ABHD2: variants seen among roughly 807,000 people sequenced by gnomAD.
ABHD2 encodes the protein monoacylglycerol lipase ABHD2.
ABHD2 carries 20 observed loss-of-function variants against 48.1 expected under a neutral mutation model. That is an observed-to-expected ratio of 0.42 (90% CI 0.29 to 0.60). ABHD2 has a LOEUF of 0.60. Ranked by LOEUF, ABHD2 falls within the 20% of genes least tolerant of loss-of-function variation. The probability of loss-of-function intolerance (pLI) is 0.24; values close to 1 mark genes in which losing one functional copy is unlikely to be tolerated. For synonymous variants in ABHD2, 209 were observed against 214.2 expected (o/e 0.98, Z 0.21); for missense variants, 405 against 550.9 (o/e 0.74, Z 2.65).
chr15:89,140,656 A>G (rs576736207), intron 3 of ABHD2, among the ~76,000 whole-genome samples: 11 of 152,058 alleles, frequency 7.2e-5, no homozygotes, highest in African/African-American at 2.7e-4. Context: ...TCTCCATTCA[A>G]AGGAGCACAG....
rs2051275569 is a variant in ABHD2, at chr15:89,189,904, T to G, written c.927-1176T>G. Among the ~76,000 whole-genome samples the G allele has an allele frequency of 6.6e-6, 1 of 152,198 alleles. No individual in the cohort carries two copies. The highest frequency in any genetic ancestry group is 1.5e-5 in the Non-Finnish European group (1 of 68,034). ...TAATAGCGTTGGAAAATAGCAGTTT[T>G]ATGATCATAACCAGTCTTGGTGGCT... On this transcript the variant is annotated intron_variant, in intron 8 of 10. Coordinates refer to ENST00000352732, the MANE Select transcript of ABHD2 (RefSeq NM_152924.5). The surrounding 1 kb of genome is among the most constrained non-coding windows in gnomAD (Gnocchi z 4.9).
intron 1 of ABHD2, among the ~76,000 whole-genome samples, chr15:89,107,375 G>T (rs1264410054): frequency 6.6e-6 from 1 of 152,098 alleles, no homozygotes; most frequent in Non-Finnish European, 1.5e-5. Context: ...ATTGGAGGAG[G>T]CCCAAGCAGT....
At chr15:89,133,298 G>A (rs1244814259) in intron 3 of ABHD2, among the ~76,000 whole-genome samples, 1 of 152,192 alleles carries the variant, frequency 6.6e-6, no homozygotes, top group Non-Finnish European at 1.5e-5. Context: ...CAGTCTCCTA[G>A]ATAGAGGTTT....
chr15:89,051,611 G>A, the ABHD2 span, among the ~76,000 whole-genome samples: 12 of 152,118 alleles, frequency 7.9e-5, no homozygotes, highest in South Asian at 4.1e-4. Flanking sequence ...GTGGATAACC[G>A]AATCATGGGG....
rs1409367509 is a variant in ABHD2, at chr15:89,174,189, A to C, written c.539-1623A>C. ...GGCAGTTTCAAGTGTATTGATGCAT[A>C]ATATTGCCAGACATATTGTAAAGGG... On this transcript the variant is annotated intron_variant, in intron 5 of 10. Coordinates refer to ENST00000352732, the MANE Select transcript of ABHD2 (RefSeq NM_152924.5). The surrounding 1 kb of genome is among the most constrained non-coding windows in gnomAD (Gnocchi z 4.1). Among the ~76,000 whole-genome samples the C allele has an allele frequency of 6.6e-6, 1 of 152,200 alleles. No individual in the cohort carries two copies. The highest frequency in any genetic ancestry group is 2.4e-5 in the African/African-American group (1 of 41,438).
chr15:89,140,397 A>G (rs1283726859), intron 3 of ABHD2, among the ~76,000 whole-genome samples: 1 of 152,194 alleles, frequency 6.6e-6, no homozygotes, highest in Non-Finnish European at 1.5e-5. Flanking sequence ...TCTGTGCTTG[A>G]AATTCCTTCT....
chr15:89,085,243 G>A (rs1434031591), upstream of ABHD2, among the ~76,000 whole-genome samples: 1 of 151,888 alleles, frequency 6.6e-6, no homozygotes, highest in Admixed American at 6.6e-5. The surrounding 1 kb of genome is among the most constrained non-coding windows in gnomAD (Gnocchi z 4.2). Context: ...TTTATTACAA[G>A]GTACTGTCAC....
intron 3 of ABHD2, among the ~76,000 whole-genome samples, chr15:89,127,708 T>C (rs970774149): frequency 1.1e-5 from 1 of 88,452 alleles, no homozygotes; most frequent in African/African-American, 6.4e-5. Context: ...TATATATACA[T>C]ATATATATAT....
intron 1 of ABHD2, among the ~76,000 whole-genome samples, chr15:89,095,245 C>T (rs2049594834): frequency 6.6e-6 from 1 of 152,082 alleles, no homozygotes; most frequent in South Asian, 2.1e-4. Context: ...AGGAGAGGTT[C>T]CTCTTTTGCA....
the ABHD2 span, among the ~76,000 whole-genome samples, chr15:89,049,504 A>G: frequency 6.6e-6 from 1 of 152,174 alleles, no homozygotes; most frequent in Admixed American, 6.5e-5. Context: ...GCCGCCTTGC[A>G]GTTTGATCTC....
rs978581372 is a variant in ABHD2, at chr15:89,177,217, G to T, written c.722+1222G>T. Among the ~76,000 whole-genome samples the T allele has an allele frequency of 5.3e-5, 8 of 152,216 alleles. No homozygotes were observed. Among genetic ancestry groups the T allele is most frequent in the African/African-American group, 1.9e-4 (8 of 41,450 alleles). On this transcript the variant is annotated intron_variant, in intron 6 of 10. Transcript: ENST00000352732. The surrounding 1 kb of genome is among the most constrained non-coding windows in gnomAD (Gnocchi z 5.6). ...GATGATAAGCAGTACCTACCTCATA[G>T]CACCGCTGAGAGTCAAATGAGTTGA... is the stretch of plus-strand genomic sequence containing the variant.
At chr15:89,072,855 C>T in the ABHD2 span, among the ~76,000 whole-genome samples, 3 of 152,212 alleles carry the variant, frequency 2.0e-5, no homozygotes, top group South Asian at 2.1e-4. Context: ...ACAAAATGCT[C>T]AGCTAAATTT....
In ABHD2 at chr15:89,155,120, G is replaced by A. The variant is rs1011674685; in HGVS notation, c.371-247G>A. 6.6e-6 allele frequency among the ~76,000 whole-genome samples: 1 copy of A among 152,018 alleles called. No homozygotes were observed. Among genetic ancestry groups the A allele is most frequent in the Non-Finnish European group, 1.5e-5 (1 of 67,992 alleles). ...ATTTTTCCAGTAATTAACTTCTATT[G>A]TCTTTTCAAAAGTATCTGTTCATGA... On this transcript the variant is annotated intron_variant, in intron 4 of 10. Coordinates refer to ENST00000352732, the MANE Select transcript of ABHD2 (RefSeq NM_152924.5). This position sits in a 1 kb window ranked among gnomAD's most constrained non-coding sequence, Gnocchi z 4.9.
intron 3 of ABHD2, among the ~76,000 whole-genome samples, chr15:89,144,588 CA>C (rs1359535150): frequency 6.6e-6 from 1 of 152,124 alleles, no homozygotes; most frequent in Non-Finnish European, 1.5e-5. Context: ...AATCCCAAGA[CA>C]AAAGGTCACA....
chr15:89,201,769 C>T lies in ABHD2; in HGVS notation c.*6346C>T, dbSNP rs1027644932. The T allele has an allele frequency of 1.1e-5, 16 of 1,508,180 alleles. No individual in the cohort carries two copies. The Admixed American group carries it at 2.3e-4, about 22-fold the overall frequency. The allele number at this position is 1,508,180 out of a possible 1,614,324, so 93.4% of individuals were successfully genotyped here. ...GGCGGGTCGAGGACCAGGATCTGCT[C>T]GTGCTTCGCCGTGGCCCCGGAGGCA... On this transcript the variant is annotated 3_prime_UTR_variant, in exon 11 of 11. Coordinates refer to ENST00000352732, the MANE Select transcript of ABHD2 (RefSeq NM_152924.5).
intron 1 of ABHD2, among the ~76,000 whole-genome samples, chr15:89,112,891 C>T (rs535657723): frequency 6.6e-5 from 10 of 152,310 alleles, no homozygotes; most frequent in African/African-American, 2.2e-4. Context: ...TTCTATGTCT[C>T]AGTTACCTTG....
chr15:89,100,339 G>A lies in ABHD2; in HGVS notation c.-107+11776G>A, dbSNP rs2049681818. ...CTTACTCTGTCACCCAGGCTGGAGT[G>A]CAATAGTGCGATCATAGCTCACTGT... is the stretch of plus-strand genomic sequence containing the variant. On this transcript the variant is annotated intron_variant, in intron 1 of 10. Coordinates refer to ENST00000352732, the MANE Select transcript of ABHD2 (RefSeq NM_152924.5). The surrounding 1 kb of genome is among the most constrained non-coding windows in gnomAD (Gnocchi z 4.4). 6.6e-6 allele frequency among the ~76,000 whole-genome samples: 1 copy of A among 150,824 alleles called. No homozygotes were observed. Among genetic ancestry groups the A allele is most frequent in the Admixed American group, 6.6e-5 (1 of 15,136 alleles).
At chr15:89,063,983 G>A in the ABHD2 span, among the ~76,000 whole-genome samples, 2 of 151,926 alleles carry the variant, frequency 1.3e-5, no homozygotes, top group South Asian at 4.2e-4. Flanking sequence ...AGGGGTTGAG[G>A]ACCCCTGCAT....
Position 89,151,816 on chromosome 15 carries a change from G to A in ABHD2, c.334G>A (p.Asp112Asn), listed in dbSNP as rs373748122. The A allele has an allele frequency of 3.7e-6, 6 of 1,614,018 alleles. No individual in the cohort carries two copies. Among genetic ancestry groups the A allele is most frequent in the Non-Finnish European group, 4.2e-6 (5 of 1,180,038 alleles). ...GTCTGATGGAGCCACTTCTACATTC[G>A]ACCTCTTCGAGCCCTTGGCTGAGCA... ...TMSDGATSTF[D>N]LFEPLAEHCV... The change falls in exon 4 of 11, where the codon GAC (aspartate) becomes AAC (asparagine). Residue 112 changes from aspartate to asparagine, a missense_variant. Coordinates refer to ENST00000352732, the MANE Select transcript of ABHD2 (RefSeq NM_152924.5). The surrounding 1 kb of genome is among the most constrained non-coding windows in gnomAD (Gnocchi z 4.7).
Sources: gnomAD v4.1 joint callset for allele counts (sites outside exome capture counted in the v4.1 genomes callset) on GRCh38, gnomAD v4.1.1 for gene constraint, Gnocchi (gnomAD v3.1) non-coding constraint, MANE v1.5 for transcripts, NCBI Gene and HGNC (gene_info 2026-07-23, HGNC 2026-07-21) for gene names.